Variants in CDK12 observed in about 807,000 individuals in gnomAD.
CDK12 encodes cyclin-dependent kinase 12.
A neutral mutation model predicts 133.8 loss-of-function variants in CDK12; 17 were observed. The observed-to-expected ratio is 0.13, with a 90% CI of 0.09 to 0.19. The LOEUF (loss-of-function observed/expected upper bound fraction) is 0.19. CDK12 is among the 10% of genes least tolerant of loss of function. The pLI is 1.00. For missense variants in CDK12, 1,508 were observed against 1,818.7 expected, an observed-to-expected ratio of 0.83 and a Z score of 3.11; for synonymous variants, 694 against 683.6, an observed-to-expected ratio of 1.02 and a Z score of -0.24.
At chr17:39,521,088 G>C (rs1181419287) in intron 11 of CDK12, among the ~76,000 whole-genome samples, 3 of 151,672 alleles carry the variant, frequency 2.0e-5, no homozygotes, top group Admixed American at 2.0e-4. Flanking sequence ...CAGGTGATCT[G>C]CCCACCTCGG....
chr17:39,494,817 T>G (rs2051939464), intron 5 of CDK12, 123 bp downstream of exon 5: 1 of 694,774 alleles, frequency 1.4e-6, no homozygotes, highest in African/African-American at 1.8e-5. Flanking sequence ...TTGCCCAGGC[T>G]GAACTGCAGT....
At chr17:39,557,664 C>T (rs1239447858) in intron 3 of CDK12, among the ~76,000 whole-genome samples, 2 of 152,330 alleles carry the variant, frequency 1.3e-5, no homozygotes, top group East Asian at 1.9e-4. Flanking sequence ...GATTTTTCTT[C>T]TGCCTGCCGG....
At chr17:39,472,527 A>G (rs2145235369) in intron 2 of CDK12, among the ~76,000 whole-genome samples, 1 of 152,018 alleles carries the variant, frequency 6.6e-6, no homozygotes, top group Admixed American at 6.6e-5. Flanking sequence ...TACAAAAATT[A>G]GCTGGGCGTG....
In CDK12 at chr17:39,471,153, G is replaced by A. The variant is rs745440743; in HGVS notation, c.1321G>A (p.Gly441Ser). 1 of 1,584,298 alleles carries A rather than the reference G, an allele frequency of 6.3e-7. No individual in the cohort carries two copies. The highest frequency in any genetic ancestry group is 8.6e-7 in the Non-Finnish European group (1 of 1,169,576). The change falls in exon 2 of 14, where the codon GGT (glycine) becomes AGT (serine). Residue 441 changes from glycine to serine, a missense_variant. Gly to Ser is a moderately conservative substitution (Grantham distance 56, BLOSUM62 0). Transcript: ENST00000447079. ...ENSSVEAKDS[G>S]LESKKLPRSV... The stretch of plus-strand genomic sequence containing the variant: ...CAGTTCAGTAGAGGCTAAGGATTCA[G>A]GTTTGGAGTCTAAAAAGTTACCCAG...
chr17:39,497,757 CCA>C (rs2052241614), intron 5 of CDK12, among the ~76,000 whole-genome samples: 5 of 152,072 alleles, frequency 3.3e-5, no homozygotes, highest in Admixed American at 2.0e-4. Context: ...GCATGCACCA[CCA>C]CATCCAGCTG....
rs1567706381 is a variant in CDK12, at chr17:39,481,669, T to G, written c.1932-8888T>G. 7.2e-4 allele frequency among the ~76,000 whole-genome samples: 10 copies of G among 13,918 alleles called. 2 individuals carry two copies. Among genetic ancestry groups the G allele is most frequent in the South Asian group, 0.014 (2 of 148 alleles). The allele number at this position is 13,918 out of a possible 152,430, so 9.1% of individuals were successfully genotyped here. ...CTCTCTCTCTCTCTCTCTCTCTCTC[T>G]CTCTCTCTCTCTCTCTCTCTCTCTC... On this transcript the variant is annotated intron_variant, in intron 2 of 13. Coordinates refer to ENST00000447079, the MANE Select transcript of CDK12 (RefSeq NM_016507.4).
intron 2 of CDK12, among the ~76,000 whole-genome samples, chr17:39,477,093 T>C (rs968529939): frequency 1.1e-4 from 17 of 149,316 alleles, no homozygotes; most frequent in African/African-American, 4.2e-4. Flanking sequence ...CCATCTTGGC[T>C]CACCACAACC....
At chr17:39,547,363 C>T (rs772604150), upstream of CDK12, among the ~76,000 whole-genome samples, 3 of 151,990 alleles carry the variant, frequency 2.0e-5, no homozygotes, top group Admixed American at 6.6e-5. Context: ...CTCGAACTCC[C>T]GACCTCAGGT....
chr17:39,514,128 T>C (rs2053652928), intron 8 of CDK12, among the ~76,000 whole-genome samples: 1 of 152,120 alleles, frequency 6.6e-6, no homozygotes, highest in African/African-American at 2.4e-5. Context: ...ACTCCTGGGC[T>C]CAAGCAATCT....
chr17:39,563,231 A>T (rs1365059073), intron 3 of CDK12, among the ~76,000 whole-genome samples: 1 of 151,498 alleles, frequency 6.6e-6, no homozygotes, highest in Non-Finnish European at 1.5e-5. Flanking sequence ...TGCCTGGGCC[A>T]CTCTTGACTT....
rs138643291 is a variant in CDK12 at position 39,468,054 on chromosome 17, C to T, written c.1047-2825C>T. ...GATTACAGGCGCACACCACCATGCCCGGCTAATTTTTTTGTATTTTTAGTA... is the reference window on the plus strand; with the variant it reads ...GATTACAGGCGCACACCACCATGCCTGGCTAATTTTTTTGTATTTTTAGTA... On this transcript the variant is annotated intron_variant, in intron 1 of 13. Transcript: ENST00000447079. Among the ~76,000 whole-genome samples the T allele has an allele frequency of 1.4e-4, 22 of 151,990 alleles. No individual in the cohort carries two copies. In the East Asian group the frequency reaches 3.9e-3, roughly 27 times the overall value.
chr17:39,554,975 C>T (rs879488650), intron 2 of CDK12, among the ~76,000 whole-genome samples: 3 of 150,494 alleles, frequency 2.0e-5, no homozygotes, highest in Non-Finnish European at 4.4e-5. Context: ...TCTGGCTGGG[C>T]ACAGTGGCTC....
At chr17:39,487,107 T>G (rs1319076906) in intron 2 of CDK12, among the ~76,000 whole-genome samples, 3 of 152,240 alleles carry the variant, frequency 2.0e-5, no homozygotes, top group Admixed American at 2.0e-4. Flanking sequence ...ATAATAATGT[T>G]GCATGTTCAT....
chr17:39,556,396 A>G (rs1313816809), exon 3 of CDK12: 2 of 152,362 alleles, frequency 1.3e-5, no homozygotes, highest in Admixed American at 6.5e-5. Flanking sequence ...CCCCACAAGT[A>G]TACTGAAGCC....
intron 3 of CDK12, among the ~76,000 whole-genome samples, chr17:39,556,611 A>ACCTC (rs1420349304): frequency 4.0e-5 from 6 of 151,376 alleles, no homozygotes; most frequent in Non-Finnish European, 7.4e-5. Context: ...CCTAGAGACA[A>ACCTC]CCTCCTGGCT....
chr17:39,480,245 G>C (rs1448702878), intron 2 of CDK12, among the ~76,000 whole-genome samples: 1 of 150,356 alleles, frequency 6.7e-6, no homozygotes, highest in Non-Finnish European at 1.5e-5. Context: ...TGTCATTTTG[G>C]GAAAAGAATG....
intron 8 of CDK12, among the ~76,000 whole-genome samples, chr17:39,513,273 CATAT>C (rs1480841465): frequency 5.9e-5 from 9 of 152,208 alleles, no homozygotes; most frequent in Admixed American, 3.9e-4. Flanking sequence ...ACAATTCTGA[CATAT>C]ATACTTCCCA....
At chr17:39,515,178 C>T (rs1322900924) in intron 8 of CDK12, among the ~76,000 whole-genome samples, 1 of 152,076 alleles carries the variant, frequency 6.6e-6, no homozygotes, top group African/African-American at 2.4e-5. Context: ...CACCACTGCA[C>T]TCCAGCCTGG....
intron 5 of CDK12, among the ~76,000 whole-genome samples, chr17:39,498,234 T>C (rs1179209303): frequency 6.6e-6 from 1 of 151,520 alleles, no homozygotes; most frequent in African/African-American, 2.4e-5. Flanking sequence ...TTTATTTTGT[T>C]TTTTTTTTGA....
Sources: allele counts gnomAD v4.1 joint callset (sites outside exome capture counted in the v4.1 genomes callset), GRCh38; gene constraint gnomAD v4.1.1; transcripts MANE v1.5; gene names NCBI Gene and HGNC (gene_info 2026-07-23, HGNC 2026-07-21).